The following SYNM variants were observed in gnomAD, a reference collection of about 807,000 sequenced individuals.
SYNM encodes desmuslin.
Under a neutral mutation model 104.0 loss-of-function variants are expected in SYNM, and 95 were observed. The observed-to-expected ratio is 0.91, with a 90% CI of 0.77 to 1.08. The LOEUF is 1.08. Among genes scored for constraint, SYNM ranks in the 50% least tolerant of loss-of-function variants. The probability of loss-of-function intolerance (pLI) is 0.00; values close to 1 mark genes in which losing one functional copy is unlikely to be tolerated. For missense variants in SYNM, 2,150 were observed against 2,052.2 expected (o/e 1.05, Z -0.92); for synonymous variants, 918 against 869.0 (o/e 1.06, Z -0.99).
At chr15:99,141,218 TG>T in the SYNM span, among the ~76,000 whole-genome samples, 1 of 152,198 alleles carries the variant, frequency 6.6e-6, no homozygotes, top group South Asian at 2.1e-4. Context: ...ATATTATATA[TG>T]TATGTGATAT....
chr15:99,113,717 TAAG>T lies in SYNM; in HGVS notation c.935+3_935+5del. 4 of 1,613,432 alleles carry T rather than the reference TAAG, an allele frequency of 2.5e-6. No individual in the cohort carries two copies. Among genetic ancestry groups the T allele is most frequent in the Non-Finnish European group, 3.4e-6 (4 of 1,179,676 alleles). On this transcript the variant is annotated splice_donor_5th_base_variant and intron_variant, in intron 2 of 3. Coordinates refer to ENST00000336292, the MANE Select transcript of SYNM (RefSeq NM_145728.3). ...CAGTCTGGAGGTGGCGACCTACCGG[TAAG>T]GAGACTGTGCTGAGTTGGCCTTGAC...
chr15:99,124,108 C>T (rs920022248), intron 2 of SYNM, among the ~76,000 whole-genome samples: 3 of 152,244 alleles, frequency 2.0e-5, no homozygotes, highest in Admixed American at 1.3e-4. Context: ...GCCCATGACT[C>T]AGGGGATTGG....
chr15:99,105,370 G>T lies in SYNM; in HGVS notation c.171G>T (p.Gln57His). 1 of 1,526,658 alleles carries T rather than the reference G, an allele frequency of 6.6e-7. No individual in the cohort carries two copies. The allele number at this position is 1,526,658 out of a possible 1,614,324, so 94.6% of individuals were successfully genotyped here. The change falls in exon 1 of 4, where the codon CAG (glutamine) becomes CAT (histidine). Residue 57 changes from glutamine (Q) to histidine (H), a missense_variant. By Grantham distance (24) the Gln-to-His change is conservative (BLOSUM62 0). Coordinates refer to ENST00000336292, the MANE Select transcript of SYNM (RefSeq NM_145728.3). ...RGREGLWAEG[Q>H]ARCAEEARSL... ...GAGAGGGCCTGTGGGCCGAGGGGCA[G>T]GCCCGCTGCGCCGAGGAGGCGCGCA...
Position 99,130,368 on chromosome 15 carries a change from TAC to T in SYNM, c.2009_2010del (p.Tyr670CysfsTer15). 1 of 1,613,734 alleles carries T rather than the reference TAC, an allele frequency of 6.2e-7. No homozygotes were observed. Among genetic ancestry groups the T allele is most frequent in the East Asian group, 2.2e-5 (1 of 44,888 alleles). On this transcript the variant is annotated frameshift_variant, in exon 4 of 4. Transcript: ENST00000336292. LOFTEE classifies it high-confidence loss of function. The part of the protein sequence containing the change: ...ADSFPDTKVT[Y>X]VDRKELPGER... ...TTCTTTTCCAGACACAAAAGTCACT[TAC>T]GTGGACAGGAAAGAGCTTCCTGGGG...
At chr15:99,108,230 C>T (rs1363381377) in intron 1 of SYNM, among the ~76,000 whole-genome samples, 1 of 152,146 alleles carries the variant, frequency 6.6e-6, no homozygotes, top group Admixed American at 6.5e-5. Context: ...CGGCCGTGGC[C>T]TCCCACAGTG....
Position 99,132,143 on chromosome 15 carries a change from T to C in SYNM, c.3783T>C (p.Ser1261=), listed in dbSNP as rs202038068. 3.8e-5 allele frequency: 61 copies of C among 1,613,922 alleles called. No individual in the cohort carries two copies. In the African/African-American group the frequency reaches 6.3e-4, roughly 17 times the overall value. The change falls in exon 4 of 4, where the codon TCT becomes TCC. Residue 1261 remains serine, a synonymous_variant. Coordinates refer to ENST00000336292, the MANE Select transcript of SYNM (RefSeq NM_145728.3). ...ATEESVGTQT[S]VRQLQLGPKE... ...AAGAGTCAGTGGGTACCCAGACTTC[T>C]GTCAGGCAACTCCAGTTAGGCCCTA...
chr15:99,130,096 T>G lies in SYNM; in HGVS notation c.1736T>G (p.Ile579Ser), dbSNP rs782586592. 2 of 1,613,782 alleles carry G rather than the reference T, an allele frequency of 1.2e-6. No homozygotes were observed. The highest frequency in any genetic ancestry group is 1.7e-5 in the Admixed American group (1 of 60,016). ...EKSVREREVP[I>S]SLEVSQDRRA... is the part of the protein sequence containing the mutation. ...AGCGTGCGAGAGAGAGAGGTGCCGA[T>G]TAGTCTAGAAGTATCCCAGGACAGA... The change falls in exon 4 of 4, where the codon ATT becomes AGT. Residue 579 changes from isoleucine to serine, a missense_variant. Coordinates refer to ENST00000336292, the MANE Select transcript of SYNM (RefSeq NM_145728.3).
chr15:99,125,226 AC>A (rs1177204061), intron 2 of SYNM, among the ~76,000 whole-genome samples: 2 of 152,064 alleles, frequency 1.3e-5, no homozygotes, highest in Admixed American at 6.6e-5. Flanking sequence ...GCAGGACGCC[AC>A]CCCTTCTGCT....
In SYNM at chr15:99,132,678, A is replaced by G; in HGVS notation, c.4318A>G (p.Lys1440Glu). Residue 1440 changes from lysine to glutamate, a missense_variant, in exon 4 of 4, where the codon AAG becomes GAG. By Grantham distance (56) the Lys-to-Glu change is moderately conservative (BLOSUM62 1). Transcript: ENST00000336292. ...AGSADSPELG[K>E]LADSSRTLRH... ...TTCAGCGGACTCCCCTGAGCTAGGC[A>G]AGTTAGCAGACAGCAGCAGAACGCT... is the stretch of plus-strand genomic sequence containing the variant. 5.6e-6 allele frequency: 9 copies of G among 1,614,042 alleles called. No homozygotes were observed. The highest frequency in any genetic ancestry group is 6.8e-6 in the Non-Finnish European group (8 of 1,179,894).
downstream of SYNM, among the ~76,000 whole-genome samples, chr15:99,138,739 C>T (rs531673600): frequency 2.8e-4 from 42 of 152,348 alleles, 1 homozygote; most frequent in African/African-American, 9.4e-4. Flanking sequence ...CTCCCTGGCT[C>T]GCCTTCCCTG....
Position 99,105,541 on chromosome 15 carries a change from T to G in SYNM, c.342T>G (p.Gly114=). The G allele has an allele frequency of 8.2e-7, 1 of 1,224,540 alleles. No homozygotes were observed. The highest frequency in any genetic ancestry group is 1.0e-6 in the Non-Finnish European group (1 of 984,882). 75.9% of individuals were successfully genotyped at this position (1,224,540 alleles called of 1,614,324 possible). Residue 114 remains glycine, a synonymous_variant, in exon 1 of 4, where the codon GGT becomes GGG. Coordinates refer to ENST00000336292, the MANE Select transcript of SYNM (RefSeq NM_145728.3). The part of the protein sequence containing the change: ...AARGRLDAEL[G]AQQRELQEAL... ...GCGGCCGCCTGGACGCCGAGCTGGG[T>G]GCGCAGCAGCGCGAGCTGCAGGAGG... is the stretch of plus-strand genomic sequence containing the variant.
downstream of SYNM, chr15:99,137,961 C>T: frequency 6.2e-7 from 1 of 1,611,890 alleles, no homozygotes; most frequent in Non-Finnish European, 8.5e-7. Flanking sequence ...GTACAGCACC[C>T]TAAATGACAG....
rs1567282608 is a variant in SYNM, at chr15:99,129,776, C to G, written c.1416C>G (p.Tyr472Ter). 4 of 1,613,482 alleles carry G rather than the reference C, an allele frequency of 2.5e-6. No individual in the cohort carries two copies. Among genetic ancestry groups the G allele is most frequent in the Non-Finnish European group, 3.4e-6 (4 of 1,179,766 alleles). ...GEDSTIARES[Y>*]RDRRDKVAAG... ...ATTCCACAATTGCCCGCGAGTCGTA[C>G]CGGGATCGCCGAGACAAGGTGGCAG... The change falls in exon 4 of 4, where the codon TAC becomes TAG. Residue 472 changes from tyrosine (Y) to a stop codon, truncating the protein, a stop_gained. Transcript: ENST00000336292. LOFTEE classifies it low-confidence loss of function (END_TRUNC).
In SYNM at chr15:99,129,881, G is replaced by A. The variant is rs781912591; in HGVS notation, c.1521G>A (p.Glu507=). 6.2e-7 allele frequency: 1 copy of A among 1,613,348 alleles called. No individual in the cohort carries two copies. The highest frequency in any genetic ancestry group is 8.5e-7 in the Non-Finnish European group (1 of 1,179,606). The change falls in exon 4 of 4, where the codon GAG becomes GAA. Residue 507 remains glutamate (E), a synonymous_variant. Coordinates refer to ENST00000336292, the MANE Select transcript of SYNM (RefSeq NM_145728.3). ...GKKTEVKATR[E]QERNRPETIR... is the part of the protein sequence containing the mutation. ...AAACAGAAGTGAAAGCCACGAGGGA[G>A]CAAGAAAGAAACAGACCAGAAACCA... is the stretch of plus-strand genomic sequence containing the variant.
rs782535643 is a variant in SYNM at position 99,132,526 on chromosome 15, C to T, written c.4166C>T (p.Ser1389Leu). 3.7e-6 allele frequency: 6 copies of T among 1,613,922 alleles called. No individual in the cohort carries two copies. Among genetic ancestry groups the T allele is most frequent in the Non-Finnish European group, 5.1e-6 (6 of 1,179,916 alleles). The change falls in exon 4 of 4, where the codon TCA becomes TTA. Residue 1389 changes from serine (S) to leucine (L), a missense_variant. Coordinates refer to ENST00000336292, the MANE Select transcript of SYNM (RefSeq NM_145728.3). ...CAGGAGGATAGTGCAGAGGACACAT[C>T]AGGGGCAGAAATGACATCGGGTGTT... is the stretch of plus-strand genomic sequence containing the variant. ...SPQEDSAEDTSGAEMTSGVSR... is the reference protein window; with the variant it reads ...SPQEDSAEDTLGAEMTSGVSR...
At chr15:99,109,027 G>C (rs906412420) in intron 1 of SYNM, among the ~76,000 whole-genome samples, 2 of 152,182 alleles carry the variant, frequency 1.3e-5, no homozygotes, top group African/African-American at 4.8e-5. Flanking sequence ...CCTGGAGGCA[G>C]GAGCTGGAGG....
chr15:99,124,641 C>T (rs2067431198), intron 2 of SYNM, among the ~76,000 whole-genome samples: 1 of 152,220 alleles, frequency 6.6e-6, no homozygotes, highest in Non-Finnish European at 1.5e-5. Context: ...ATACCATGGT[C>T]TCTGGCCTCA....
chr15:99,110,090 G>C (rs149905440), intron 1 of SYNM, among the ~76,000 whole-genome samples: 1 of 152,196 alleles, frequency 6.6e-6, no homozygotes, highest in Non-Finnish European at 1.5e-5. Flanking sequence ...GGGCCCCTGC[G>C]TTCAAGTTGA....
At chr15:99,110,890 T>G (rs1313508163) in intron 1 of SYNM, among the ~76,000 whole-genome samples, 1 of 152,218 alleles carries the variant, frequency 6.6e-6, no homozygotes, top group East Asian at 1.9e-4. Flanking sequence ...ACCCACAGCT[T>G]GCTGACTGGC....
Sources: gnomAD v4.1 joint callset for allele counts (sites outside exome capture counted in the v4.1 genomes callset) on GRCh38, gnomAD v4.1.1 for gene constraint, MANE v1.5 for transcripts, NCBI Gene and HGNC (gene_info 2026-07-23, HGNC 2026-07-21) for gene names.